GPC3: variants seen among roughly 807,000 people sequenced by gnomAD.
The protein encoded by GPC3 is glypican-3.
A neutral mutation model predicts 34.4 loss-of-function variants in GPC3; 3 were observed. The ratio of observed to expected loss-of-function variants is 0.09; its 90% confidence interval spans 0.04 to 0.23. GPC3 has a LOEUF of 0.23. GPC3 is among the 10% of genes least tolerant of loss of function. The pLI is 1.00. For missense variants in GPC3, 351 were observed against 445.6 expected (o/e 0.79, Z 1.91); for synonymous variants, 177 against 174.0 (o/e 1.02, Z -0.13).
intron 2 of GPC3, among the ~76,000 whole-genome samples, chrX:133,829,211 C>T (rs2075763990): frequency 9.0e-6 from 1 of 111,645 alleles, no homozygotes; most frequent in African/African-American, 3.3e-5. Flanking sequence ...CAGACCAAAA[C>T]GTTATTAGAG....
chrX:133,554,572 A>ACCCTGGTCACCTGCTTTGACCTGAGTCAC (rs2069467975), intron 7 of GPC3, among the ~76,000 whole-genome samples: 3 of 110,371 alleles, frequency 2.7e-5, no homozygotes, highest in Non-Finnish European at 3.8e-5. Flanking sequence ...ATCCTGACTC[A>ACCCTGGTCACCTGCTTTGACCTGAGTCAC]CCCTGGTCAC....
intron 5 of GPC3, among the ~76,000 whole-genome samples, chrX:133,690,133 G>C (rs1001328933): frequency 9.0e-6 from 1 of 111,552 alleles, no homozygotes; most frequent in Admixed American, 9.6e-5. Flanking sequence ...AGAGAGAAGT[G>C]TATCTCCATA....
chrX:133,576,768 G>A (rs192998675), intron 7 of GPC3, among the ~76,000 whole-genome samples: 28 of 110,077 alleles, frequency 2.5e-4, no homozygotes, highest in Admixed American at 9.9e-5. Context: ...AGAAGAGAAC[G>A]AGATGTCATG....
intron 3 of GPC3, among the ~76,000 whole-genome samples, chrX:133,735,213 T>C (rs1380934585): frequency 9.0e-6 from 1 of 111,597 alleles, no homozygotes; most frequent in Non-Finnish European, 1.9e-5. Flanking sequence ...TTTTCAAAAC[T>C]TGCTACAAAG....
intron 1 of GPC3, among the ~76,000 whole-genome samples, chrX:133,966,534 G>A (rs988754151): frequency 1.8e-5 from 2 of 111,714 alleles, no homozygotes; most frequent in East Asian, 5.6e-4. Context: ...TTACATTCTC[G>A]GCCACTGTAA....
intron 6 of GPC3, among the ~76,000 whole-genome samples, chrX:133,634,064 G>A (rs115150007): frequency 0.054 from 6,015 of 111,479 alleles, 419 homozygotes; most frequent in African/African-American, 0.19. Context: ...GTGGATAATA[G>A]GCTTATGAAA....
At chrX:133,926,810 A>G (rs764378650) in intron 2 of GPC3, among the ~76,000 whole-genome samples, 35 of 100,893 alleles carry the variant, frequency 3.5e-4, no homozygotes, top group Non-Finnish European at 2.0e-5. Flanking sequence ...GCCCCGGCAA[A>G]TCGGCAAATT....
At chrX:133,559,469 T>TGG (rs1177237546) in intron 7 of GPC3, among the ~76,000 whole-genome samples, 2 of 111,215 alleles carry the variant, frequency 1.8e-5, no homozygotes, top group Non-Finnish European at 3.8e-5. Context: ...CTCTATCTTG[T>TGG]GGGGAAGATG....
chrX:133,622,208 G>C (rs905081569), intron 6 of GPC3, among the ~76,000 whole-genome samples: 2 of 111,955 alleles, frequency 1.8e-5, no homozygotes, highest in Admixed American at 1.9e-4. Flanking sequence ...GGAGAAACCA[G>C]AGCAGAAAAG....
In GPC3 at chrX:133,914,944, A is replaced by AATATATATATATATAT. The variant is rs35086661; in HGVS notation, c.337+38090_337+38105dup. Among the ~76,000 whole-genome samples the AATATATATATATATAT allele has an allele frequency of 2.5e-3, 124 of 49,922 alleles. 1 individual carries two copies. The highest frequency in any genetic ancestry group is 4.8e-3 in the African/African-American group (48 of 10,035). The allele number at this position is 49,922 out of a possible 115,157, so 43.4% of individuals were successfully genotyped here. A position where few individuals can be genotyped will look rare whatever the true frequency, so the allele number is the denominator to read the frequency against. The stretch of plus-strand genomic sequence containing the variant: ...TTATGTATTTTTTCATCAAACTGGA[A>AATATATATATATATAT]ATATATATATATATATATATATATA... On this transcript the variant is annotated intron_variant, in intron 2 of 7. Coordinates refer to ENST00000370818, the MANE Select transcript of GPC3 (RefSeq NM_004484.4).
intron 2 of GPC3, among the ~76,000 whole-genome samples, chrX:133,912,660 C>T (rs1212988789): frequency 9.1e-6 from 1 of 109,748 alleles, no homozygotes; most frequent in Non-Finnish European, 1.9e-5. Flanking sequence ...CTAGTTAGGA[C>T]CCAGAGAGGG....
intron 2 of GPC3, among the ~76,000 whole-genome samples, chrX:133,767,560 G>C (rs1265168380): frequency 9.0e-6 from 1 of 111,586 alleles, no homozygotes; most frequent in East Asian, 2.8e-4. Flanking sequence ...CCAAGATCTT[G>C]ACAGTTTCTT....
At chrX:133,618,382 AGAAATTCAAAAT>A (rs764366004) in intron 6 of GPC3, among the ~76,000 whole-genome samples, 1 of 112,260 alleles carries the variant, frequency 8.9e-6, no homozygotes, top group Non-Finnish European at 1.9e-5. Flanking sequence ...TCATAATGAA[AGAAATTCAAAAT>A]GAAATTCAAA....
At chrX:133,870,971 G>T (rs906918519) in intron 2 of GPC3, among the ~76,000 whole-genome samples, 10 of 111,428 alleles carry the variant, frequency 9.0e-5, no homozygotes, top group African/African-American at 2.9e-4. Context: ...CTATTTCTTT[G>T]CTGGGTCTTT....
At chrX:133,644,803 CAG>C (rs1243063820) in intron 6 of GPC3, among the ~76,000 whole-genome samples, 1 of 110,733 alleles carries the variant, frequency 9.0e-6, no homozygotes, top group African/African-American at 3.3e-5. Flanking sequence ...TTTTTTGAGA[CAG>C]AGTCTCAATT....
chrX:133,596,097 C>T (rs1465093912), intron 7 of GPC3, among the ~76,000 whole-genome samples: 1 of 111,501 alleles, frequency 9.0e-6, no homozygotes, highest in Admixed American at 9.6e-5. Flanking sequence ...GTTATTTCAT[C>T]CCAAATTTGC....
chrX:133,963,724 T>C (rs900999514), intron 1 of GPC3, among the ~76,000 whole-genome samples: 1 of 112,116 alleles, frequency 8.9e-6, no homozygotes, highest in Non-Finnish European at 1.9e-5. Flanking sequence ...ATACCTTTCT[T>C]ATCCCTACTA....
intron 6 of GPC3, among the ~76,000 whole-genome samples, chrX:133,600,929 A>G (rs2069974092): frequency 8.9e-6 from 1 of 112,328 alleles, no homozygotes; most frequent in African/African-American, 3.2e-5. Context: ...TTAGCTTTTT[A>G]AAAGCCAAGG....
intron 6 of GPC3, among the ~76,000 whole-genome samples, chrX:133,608,640 T>G (rs1471339575): frequency 8.9e-6 from 1 of 111,903 alleles, no homozygotes; most frequent in East Asian, 2.8e-4. Flanking sequence ...CATCAAGCAT[T>G]GGGCTTGAAG....
Sources: gnomAD v4.1 joint callset for allele counts (sites outside exome capture counted in the v4.1 genomes callset) on GRCh38, gnomAD v4.1.1 for gene constraint, MANE v1.5 for transcripts, NCBI Gene and HGNC (gene_info 2026-07-23, HGNC 2026-07-21) for gene names.